POLQ: variants seen among roughly 807,000 people sequenced by gnomAD.
POLQ encodes epididymis secretory sperm binding protein.
POLQ carries 233 observed loss-of-function variants against 259.2 expected under a neutral mutation model. The observed-to-expected ratio is 0.90, with a 90% CI of 0.81 to 1.00. POLQ has a LOEUF of 1.00. Ranked by LOEUF, POLQ falls within the 50% of genes least tolerant of loss-of-function variation. The probability of loss-of-function intolerance (pLI) is 0.00; values close to 1 mark genes in which losing one functional copy is unlikely to be tolerated. For missense variants in POLQ, 2,871 were observed against 3,051.6 expected (o/e 0.94, Z 1.39); for synonymous variants, 1,025 against 1,048.8 (o/e 0.98, Z 0.44).
chr3:121,500,015 T>C (rs747849971), intron 12 of POLQ, among the ~76,000 whole-genome samples: 5 of 152,042 alleles, frequency 3.3e-5, no homozygotes, highest in Non-Finnish European at 7.4e-5. Flanking sequence ...GCACAGTGGC[T>C]CATGCCTATA....
Position 121,489,725 on chromosome 3 carries a change from C to G in POLQ, c.3206G>C (p.Gly1069Ala). ...DSGACRIHLQ[G>A]QTLSNPSLCE... ...AAGACTAGGATTAGACAGAGTCTGT[C>G]CTTGTAAATGGATTCTACACGCTCC... is the stretch of plus-strand genomic sequence containing the variant. Residue 1069 changes from glycine to alanine, a missense_variant, in exon 16 of 30, where the codon GGA becomes GCA. Around this residue, in one of 3 missense-constraint regions of POLQ, gnomAD observed 2,080 missense variants for 2,126.0 expected, o/e 0.98. Coordinates refer to ENST00000264233, the MANE Select transcript of POLQ (RefSeq NM_199420.4). 4.3e-6 allele frequency: 7 copies of G among 1,612,636 alleles called. No homozygotes were observed. Among genetic ancestry groups the G allele is most frequent in the Non-Finnish European group, 5.9e-6 (7 of 1,179,702 alleles).
chr3:121,523,358 T>C (rs765984219), intron 7 of POLQ, among the ~76,000 whole-genome samples: 45 of 152,344 alleles, frequency 3.0e-4, no homozygotes, highest in Middle Eastern at 6.8e-3. Context: ...CATACTTATA[T>C]GTTGTCTTTA....
intron 13 of POLQ, among the ~76,000 whole-genome samples, chr3:121,498,116 G>C (rs2048138480): frequency 6.6e-6 from 1 of 151,964 alleles, no homozygotes; most frequent in East Asian, 1.9e-4. Context: ...TTTAAGACCA[G>C]CCTGACCAAC....
At chr3:121,528,235 C>T (rs1293454154) in intron 7 of POLQ, among the ~76,000 whole-genome samples, 2 of 152,112 alleles carry the variant, frequency 1.3e-5, no homozygotes, top group African/African-American at 4.8e-5. Flanking sequence ...GATTCTCCTG[C>T]CTTATCCTCC....
At chr3:121,435,030 G>A (rs1245139583) in intron 28 of POLQ, among the ~76,000 whole-genome samples, 1 of 152,088 alleles carries the variant, frequency 6.6e-6, no homozygotes, top group Non-Finnish European at 1.5e-5. Flanking sequence ...CAGGCATGGT[G>A]GCACACTCCT....
chr3:121,464,929 T>C (rs1184647931), intron 24 of POLQ, among the ~76,000 whole-genome samples: 3 of 152,178 alleles, frequency 2.0e-5, no homozygotes, highest in Admixed American at 6.5e-5. Flanking sequence ...GTAAATTTAC[T>C]TAACTTGTAT....
Position 121,481,595 on chromosome 3 carries a change from A to G in POLQ, c.6188T>C (p.Leu2063Ser). 6.2e-7 allele frequency: 1 copy of G among 1,600,946 alleles called. No homozygotes were observed. The highest frequency in any genetic ancestry group is 8.5e-7 in the Non-Finnish European group (1 of 1,172,778). Residue 2063 changes from leucine to serine, a missense_variant, in exon 19 of 30, where the codon TTG becomes TCG. By Grantham distance (145) the Leu-to-Ser change is moderately radical. Transcript: ENST00000264233. The part of the protein sequence containing the change: ...IFNSMNQLNS[L>S]LQKENLQDVF... ...ACCTTGAAGGTTTTCCTTCTGCAACAAAGAGTTGAGCTGATTCATAGAGTT... is the reference window on the plus strand; with the variant it reads ...ACCTTGAAGGTTTTCCTTCTGCAACGAAGAGTTGAGCTGATTCATAGAGTT...
intron 7 of POLQ, among the ~76,000 whole-genome samples, chr3:121,524,937 TACACACAC>T (rs33965431): frequency 0.012 from 1,793 of 148,626 alleles, 37 homozygotes; most frequent in African/African-American, 0.04. Context: ...TGTGTATAAA[TACACACAC>T]ACACACACAC....
At chr3:121,498,774 GC>G in intron 12 of POLQ, 104 bp from the exon 13 acceptor site, 4 of 791,182 alleles carry the variant, frequency 5.1e-6, no homozygotes, top group Non-Finnish European at 7.9e-6. Context: ...GATGGTATGT[GC>G]CTGTAGTCCT....
intron 19 of POLQ, among the ~76,000 whole-genome samples, chr3:121,477,302 C>T (rs1169655967): frequency 6.6e-6 from 1 of 152,184 alleles, no homozygotes; most frequent in Non-Finnish European, 1.5e-5. Context: ...GATACCTTTG[C>T]TTTCTGATGG....
intron 16 of POLQ, among the ~76,000 whole-genome samples, chr3:121,485,422 T>C (rs1476865098): frequency 6.6e-6 from 1 of 152,176 alleles, no homozygotes; most frequent in Non-Finnish European, 1.5e-5. Context: ...CTATAATGAT[T>C]AACGTCAAGA....
intron 20 of POLQ, among the ~76,000 whole-genome samples, chr3:121,473,753 G>T (rs1245838882): frequency 8.8e-6 from 1 of 113,356 alleles, no homozygotes; most frequent in Non-Finnish European, 1.7e-5. Context: ...TTTTGAGACA[G>T]GATCTCACTG....
intron 14 of POLQ, chr3:121,494,519 A>T (rs555120714): frequency 3.2e-6 from 5 of 1,569,864 alleles, no homozygotes; most frequent in Non-Finnish European, 3.5e-6. Context: ...TGTCCTTCGA[A>T]CAGGAGTTAA....
intron 22 of POLQ, among the ~76,000 whole-genome samples, chr3:121,470,114 C>T (rs1048971489): frequency 2.6e-5 from 4 of 152,104 alleles, no homozygotes; most frequent in Admixed American, 2.6e-4. Context: ...ACCATCCTGG[C>T]CAATATAGTG....
Position 121,545,725 on chromosome 3 carries a change from G to T in POLQ, c.153C>A (p.Ala51=). 6.4e-7 allele frequency: 1 copy of T among 1,566,540 alleles called. No homozygotes were observed. Among genetic ancestry groups the T allele is most frequent in the East Asian group, 2.4e-5 (1 of 42,340 alleles). Residue 51 remains alanine, a synonymous_variant, in exon 1 of 30, where the codon GCC becomes GCA. Coordinates refer to ENST00000264233, the MANE Select transcript of POLQ (RefSeq NM_199420.4). ...PPPGLGRCLK[A]AAAGECKPTV... The stretch of plus-strand genomic sequence containing the variant: ...GGGTTCCTGGAGCACCTGCAGCTGC[G>T]GCCTTCAGGCAGCGACCAAGGCCGG...
In POLQ at chr3:121,476,712, A is replaced by T. The variant is rs376947965; in HGVS notation, c.6233T>A (p.Met2078Lys). ...NLQDVFRKVE[M>K]PSQYCLALLE... is the part of the protein sequence containing the mutation. The stretch of plus-strand genomic sequence containing the variant: ...CAAGGCCAAGCAGTACTGAGAGGGC[A>T]TTTCCACCTTACGGAAAACATCTGG... The change falls in exon 20 of 30, where the codon ATG (methionine) becomes AAG (lysine). Residue 2078 changes from methionine (M) to lysine (K), a missense_variant. Met to Lys is a moderately conservative substitution (Grantham distance 95). Transcript: ENST00000264233. 32 of 1,599,714 alleles carry T rather than the reference A, an allele frequency of 2.0e-5. No individual in the cohort carries two copies. The highest frequency in any genetic ancestry group is 2.6e-5 in the Non-Finnish European group (31 of 1,175,956).
intron 20 of POLQ, among the ~76,000 whole-genome samples, chr3:121,475,993 CA>C (rs1397080736): frequency 6.6e-6 from 1 of 151,082 alleles, no homozygotes; most frequent in Non-Finnish European, 1.5e-5. Flanking sequence ...TAAGAGAAAC[CA>C]AGTTCCTCAT....
At chr3:121,515,535 T>G (rs1043325524) in intron 9 of POLQ, among the ~76,000 whole-genome samples, 2 of 152,210 alleles carry the variant, frequency 1.3e-5, no homozygotes, top group African/African-American at 4.8e-5. Context: ...GCTTGTGGGT[T>G]CACCTGATAG....
intron 18 of POLQ, among the ~76,000 whole-genome samples, chr3:121,482,455 G>A (rs766052419): frequency 4.0e-5 from 6 of 151,802 alleles, no homozygotes; most frequent in Non-Finnish European, 7.4e-5. Flanking sequence ...GGGAGGCGGA[G>A]GTTGCAGTGA....
Sources: gnomAD v4.1 joint callset for allele counts (sites outside exome capture counted in the v4.1 genomes callset) on GRCh38, gnomAD v4.1.1 for gene constraint, gnomAD v4.1.1 regional missense constraint, MANE v1.5 for transcripts, NCBI Gene and HGNC (gene_info 2026-07-23, HGNC 2026-07-21) for gene names.